LPAR1: variants seen among roughly 807,000 people sequenced by gnomAD.
LPAR1 encodes lysophosphatidic acid receptor 1, also known as LPA receptor 1.
In LPAR1, 5 loss-of-function variants were observed where a neutral mutation model predicts 23.8. That is an observed-to-expected ratio of 0.21 (90% CI 0.11 to 0.44). The LOEUF is 0.44. Ranked by LOEUF, LPAR1 falls within the 20% of genes least tolerant of loss-of-function variation. The pLI is 0.99. For missense variants in LPAR1, 311 were observed against 482.8 expected (o/e 0.64, Z 3.33); for synonymous variants, 160 against 164.7 (o/e 0.97, Z 0.22).
chr9:110,921,725 A>G (rs1481125725), intron 5 of LPAR1, among the ~76,000 whole-genome samples: 1 of 152,222 alleles, frequency 6.6e-6, no homozygotes, highest in African/African-American at 2.4e-5. Context: ...TCTTGTTGTT[A>G]TAAAGCAGAG....
At chr9:110,925,453 T>C (rs1015882192) in intron 5 of LPAR1, among the ~76,000 whole-genome samples, 2 of 152,102 alleles carry the variant, frequency 1.3e-5, no homozygotes, top group African/African-American at 4.8e-5. Flanking sequence ...TAGATGACAG[T>C]TTATAGAATC....
chr9:110,885,342 T>C (rs2082084216), intron 5 of LPAR1, among the ~76,000 whole-genome samples: 1 of 152,166 alleles, frequency 6.6e-6, no homozygotes, highest in African/African-American at 2.4e-5. Flanking sequence ...GAGAAGACAG[T>C]ATAAAGAACT....
At chr9:110,878,973 T>C (rs570212278) in intron 5 of LPAR1, among the ~76,000 whole-genome samples, 1 of 152,226 alleles carries the variant, frequency 6.6e-6, no homozygotes, top group South Asian at 2.1e-4. Context: ...TTCTCATGGG[T>C]CAATGCCATC....
intron 5 of LPAR1, among the ~76,000 whole-genome samples, chr9:110,899,405 T>C (rs1327051761): frequency 6.6e-6 from 1 of 152,212 alleles, no homozygotes; most frequent in African/African-American, 2.4e-5. Context: ...TTTTGTGCAA[T>C]GCAATGTAGT....
chr9:111,028,735 C>T (rs1036943286), intron 2 of LPAR1, among the ~76,000 whole-genome samples: 5 of 151,816 alleles, frequency 3.3e-5, no homozygotes, highest in East Asian at 1.9e-4. Context: ...CAAACCTTTA[C>T]GAGTTTCTCA....
intron 4 of LPAR1, among the ~76,000 whole-genome samples, chr9:110,971,364 C>T (rs971278704): frequency 6.6e-6 from 1 of 152,120 alleles, no homozygotes; most frequent in African/African-American, 2.4e-5. Flanking sequence ...ATGACTAGGG[C>T]TCTTTATCCT....
chr9:111,011,411 TC>T (rs1381471156), intron 2 of LPAR1, among the ~76,000 whole-genome samples: 1 of 152,164 alleles, frequency 6.6e-6, no homozygotes, highest in Non-Finnish European at 1.5e-5. Flanking sequence ...AGCCATGAGA[TC>T]CTTGGACAGG....
intron 4 of LPAR1, among the ~76,000 whole-genome samples, chr9:110,950,116 CATATCATATTTAAATATGACATGA>C (rs2095521958): frequency 6.7e-6 from 1 of 150,140 alleles, no homozygotes; most frequent in Non-Finnish European, 1.5e-5. Context: ...TCAAAACATT[CATATCATATTTAAATATGACATGA>C]ATGTCATATT....
intron 2 of LPAR1, among the ~76,000 whole-genome samples, chr9:110,985,120 C>G (rs1177827844): frequency 6.6e-6 from 1 of 152,058 alleles, no homozygotes; most frequent in Non-Finnish European, 1.5e-5. Flanking sequence ...GCTATGGGTT[C>G]ATTTGCTTCA....
chr9:110,967,229 C>T (rs996243366), intron 4 of LPAR1, among the ~76,000 whole-genome samples: 2 of 152,162 alleles, frequency 1.3e-5, no homozygotes, highest in African/African-American at 4.8e-5. Context: ...GCTAGGTGCT[C>T]TCTCAGCATG....
intron 2 of LPAR1, among the ~76,000 whole-genome samples, chr9:110,978,119 T>C (rs1309103073): frequency 1.3e-5 from 2 of 152,060 alleles, no homozygotes; most frequent in Non-Finnish European, 2.9e-5. Flanking sequence ...TAACAGAAAA[T>C]TTCTAGCTCA....
chr9:110,952,459 C>T (rs1023854287), intron 4 of LPAR1, among the ~76,000 whole-genome samples: 8 of 152,160 alleles, frequency 5.3e-5, no homozygotes, highest in African/African-American at 1.9e-4. Context: ...CCCCACCAAA[C>T]TGCATCTACC....
chr9:111,001,890 A>G (rs545198002), intron 2 of LPAR1, among the ~76,000 whole-genome samples: 218 of 152,286 alleles, frequency 1.4e-3, no homozygotes, highest in Admixed American at 2.2e-3. Flanking sequence ...TTAGAATTCT[A>G]TTTTTAAAAA....
intron 4 of LPAR1, among the ~76,000 whole-genome samples, chr9:110,961,899 G>A (rs548329925): frequency 6.6e-6 from 1 of 152,238 alleles, no homozygotes; most frequent in South Asian, 2.1e-4. Flanking sequence ...TGAGGATTAT[G>A]GGAGCTACGA....
chr9:110,966,015 TAACACAGGAACA>T (rs2096205862), intron 4 of LPAR1, among the ~76,000 whole-genome samples: 1 of 152,056 alleles, frequency 6.6e-6, no homozygotes, highest in Non-Finnish European at 1.5e-5. Context: ...CTCAGCAAAC[TAACACAGGAACA>T]GAAAACCAAG....
At chr9:110,964,723 T>A (rs978548506) in intron 4 of LPAR1, among the ~76,000 whole-genome samples, 2 of 151,538 alleles carry the variant, frequency 1.3e-5, no homozygotes, top group Admixed American at 1.3e-4. Context: ...AAAAAAAAAA[T>A]CCACTTTCTA....
At chr9:110,913,819 T>C (rs757462633) in intron 5 of LPAR1, among the ~76,000 whole-genome samples, 7 of 152,126 alleles carry the variant, frequency 4.6e-5, no homozygotes, top group Non-Finnish European at 7.4e-5. Context: ...AGTAGGAAGA[T>C]CAAAGTGGCT....
intron 2 of LPAR1, among the ~76,000 whole-genome samples, chr9:111,017,464 T>A (rs1261701706): frequency 6.6e-6 from 1 of 152,184 alleles, no homozygotes; most frequent in Non-Finnish European, 1.5e-5. Context: ...TATTACCTCC[T>A]AAGGAAGCTC....
At chr9:110,961,167 C>T (rs562653900) in intron 4 of LPAR1, among the ~76,000 whole-genome samples, 1 of 150,206 alleles carries the variant, frequency 6.7e-6, no homozygotes, top group African/African-American at 2.4e-5. Flanking sequence ...AAAAGCAGCA[C>T]TTAATATTTT....
Sources: allele counts gnomAD v4.1 joint callset (sites outside exome capture counted in the v4.1 genomes callset), GRCh38; gene constraint gnomAD v4.1.1; transcripts MANE v1.5; gene names NCBI Gene and HGNC (gene_info 2026-07-23, HGNC 2026-07-21).